IBTK: variants seen among roughly 807,000 people sequenced by gnomAD.
The protein encoded by IBTK is inhibitor of Bruton tyrosine kinase.
Under a neutral mutation model 154.9 loss-of-function variants are expected in IBTK, and 83 were observed. That is an observed-to-expected ratio of 0.54 (90% CI 0.45 to 0.64). IBTK has a LOEUF of 0.64. IBTK is among the 30% of genes least tolerant of loss of function. The pLI, the probability that IBTK is intolerant of heterozygous loss-of-function variation, is 0.00. For missense variants in IBTK, 1,332 were observed against 1,584.6 expected, an observed-to-expected ratio of 0.84 and a Z score of 2.71; for synonymous variants, 515 against 536.1, an observed-to-expected ratio of 0.96 and a Z score of 0.54.
chr6:82,233,470 C>G (rs932667603), intron 3 of IBTK, among the ~76,000 whole-genome samples: 2 of 152,208 alleles, frequency 1.3e-5, no homozygotes, highest in Non-Finnish European at 1.5e-5. Context: ...ACAGTAGTTA[C>G]AATTATAACA....
intron 28 of IBTK, among the ~76,000 whole-genome samples, chr6:82,172,053 T>G (rs944081853): frequency 4.6e-5 from 7 of 152,314 alleles, no homozygotes; most frequent in Admixed American, 3.3e-4. Flanking sequence ...AATCTTAGAA[T>G]TCTTACTGAT....
At chr6:82,187,320 A>G (rs945742961) in intron 25 of IBTK, among the ~76,000 whole-genome samples, 2 of 152,208 alleles carry the variant, frequency 1.3e-5, no homozygotes, top group African/African-American at 4.8e-5. Context: ...ATATGCCATA[A>G]TAGACTCTTA....
chr6:82,203,879 T>G (rs778423754), intron 17 of IBTK, among the ~76,000 whole-genome samples: 14 of 152,006 alleles, frequency 9.2e-5, no homozygotes, highest in Non-Finnish European at 1.8e-4. Flanking sequence ...AACCAAGGAG[T>G]AGACAGTCTA....
chr6:82,214,392 T>A lies in IBTK; in HGVS notation c.2039A>T (p.Lys680Met), dbSNP rs770477133. ...ACTTTTGTAAACTTCAAATGCAGAC[T>A]TCTGGTTATCATCTTCATGGAAATT... ...KVNFHEDDNQ[K>M]SAFEVYKSNQ... The change falls in exon 12 of 29, where the codon AAG (lysine) becomes ATG (methionine). Residue 680 changes from lysine to methionine, a missense_variant. Transcript: ENST00000306270. 1.9e-6 allele frequency: 3 copies of A among 1,614,062 alleles called. No individual in the cohort carries two copies. In the Admixed American group the frequency reaches 5.0e-5, roughly 27 times the overall value.
At chr6:82,178,833 G>C (rs188981061) in intron 26 of IBTK, among the ~76,000 whole-genome samples, 155 of 152,316 alleles carry the variant, frequency 1.0e-3, no homozygotes, top group South Asian at 2.1e-4. Flanking sequence ...GTCTGTCAAA[G>C]AGTAAGGAGG....
In IBTK at chr6:82,220,720, G is replaced by GA. The variant is rs34032511; in HGVS notation, c.1125-8dup. The GA allele has an allele frequency of 0.26, 303,903 of 1,189,332 alleles. 7,194 individuals are homozygous for GA. Among genetic ancestry groups the GA allele is most frequent in the African/African-American group, 0.29 (17,872 of 61,682 alleles). 73.7% of individuals were successfully genotyped at this position (1,189,332 alleles called of 1,614,324 possible). A position where few individuals can be genotyped will look rare whatever the true frequency, so the allele number is the denominator to read the frequency against. On this transcript the variant is annotated splice_region_variant and splice_polypyrimidine_tract_variant and intron_variant, in intron 8 of 28. Coordinates refer to ENST00000306270, the MANE Select transcript of IBTK (RefSeq NM_015525.4). ...TTTTTTCAAGTTCAACTGTCTAGAT[G>GA]AAAAAAAAAAAAATCCTAGATTAAT...
intron 26 of IBTK, among the ~76,000 whole-genome samples, chr6:82,181,247 A>T (rs1768308159): frequency 6.6e-6 from 1 of 152,164 alleles, no homozygotes; most frequent in Non-Finnish European, 1.5e-5. Context: ...AATTAAAATT[A>T]AAAAATAGCT....
At chr6:82,212,108 C>A (rs1769674246) in intron 13 of IBTK, among the ~76,000 whole-genome samples, 1 of 152,046 alleles carries the variant, frequency 6.6e-6, no homozygotes, top group Non-Finnish European at 1.5e-5. Context: ...GATTCTCCTG[C>A]CTCAGCCTCC....
Position 82,200,156 on chromosome 6 carries a change from T to A in IBTK, c.3010A>T (p.Ser1004Cys). 6.2e-7 allele frequency: 1 copy of A among 1,604,014 alleles called. No homozygotes were observed. ...GGYNLSDIIQ[S>C]PSSTGLLKSG... is the part of the protein sequence containing the mutation. ...TTCCACGAACCTGTAGATGATGGAC[T>A]CTGAATAATATCTGAAAGGTTATAA... is the stretch of plus-strand genomic sequence containing the variant. The change falls in exon 21 of 29, where the codon AGT becomes TGT. Residue 1004 changes from serine to cysteine, a missense_variant. Ser to Cys is a moderately radical substitution (Grantham distance 112). This residue lies in a region of IBTK where 1,134 missense variants were observed against 1,274.7 expected (regional missense o/e 0.89). Coordinates refer to ENST00000306270, the MANE Select transcript of IBTK (RefSeq NM_015525.4).
In IBTK at chr6:82,214,351, C is replaced by T; in HGVS notation, c.2080G>A (p.Val694Ile). The change falls in exon 12 of 29, where the codon GTT (valine) becomes ATT (isoleucine). Residue 694 changes from valine (V) to isoleucine (I), a missense_variant. Val to Ile is a conservative substitution (Grantham distance 29, BLOSUM62 3). Transcript: ENST00000306270. ...EVYKSNQAQT[V>I]SERQKSKPKS... ...GGTTTGCTCTTCTGCCTCTCACTAA[C>T]TGTTTGAGCTTGATTACTTTTGTAA... is the stretch of plus-strand genomic sequence containing the variant. 6.2e-7 allele frequency: 1 copy of T among 1,614,084 alleles called. No individual in the cohort carries two copies. Among genetic ancestry groups the T allele is most frequent in the Non-Finnish European group, 8.5e-7 (1 of 1,179,978 alleles).
intron 26 of IBTK, among the ~76,000 whole-genome samples, chr6:82,180,025 C>CACCATAGGCAGGGGCTAATTTGTTT (rs1768259669): frequency 6.6e-6 from 1 of 152,082 alleles, no homozygotes; most frequent in African/African-American, 2.4e-5. Context: ...CTAATTTGTT[C>CACCATAGGCAGGGGCTAATTTGTTT]ACCATAGGCA....
At chr6:82,242,988 A>T (rs1771009895) in intron 1 of IBTK, among the ~76,000 whole-genome samples, 1 of 150,860 alleles carries the variant, frequency 6.6e-6, no homozygotes, top group East Asian at 2.0e-4. Context: ...ATGCCTGTAA[A>T]CCCAGCACTT....
intron 1 of IBTK, among the ~76,000 whole-genome samples, chr6:82,243,554 T>C (rs1771034093): frequency 6.6e-6 from 1 of 152,352 alleles, no homozygotes; most frequent in African/African-American, 2.4e-5. Context: ...CTGTACATGC[T>C]ACCAACTCGA....
At chr6:82,189,331 A>C (rs1300964647) in intron 25 of IBTK, among the ~76,000 whole-genome samples, 1 of 152,168 alleles carries the variant, frequency 6.6e-6, no homozygotes, top group Non-Finnish European at 1.5e-5. Flanking sequence ...AGGAGGTAAC[A>C]TAAGAAGATT....
chr6:82,233,083 G>A (rs1176255419), intron 3 of IBTK, among the ~76,000 whole-genome samples: 1 of 151,808 alleles, frequency 6.6e-6, no homozygotes. Flanking sequence ...CTTGAACCCG[G>A]GAGGCGGAGG....
chr6:82,184,880 T>C (rs1768480505), intron 25 of IBTK, among the ~76,000 whole-genome samples: 1 of 152,178 alleles, frequency 6.6e-6, no homozygotes, highest in Non-Finnish European at 1.5e-5. Flanking sequence ...TTAAGAAGGA[T>C]TTTAAAAACC....
intron 26 of IBTK, chr6:82,174,908 A>T: frequency 2.2e-6 from 1 of 453,564 alleles, no homozygotes; most frequent in Non-Finnish European, 4.4e-6. Context: ...CTTTATTTTT[A>T]CTATTCCCCT....
chr6:82,211,228 C>T, intron 15 of IBTK, 139 bp downstream of exon 15: 2 of 589,202 alleles, frequency 3.4e-6, no homozygotes, highest in Non-Finnish European at 5.7e-6. Context: ...TTTCCAGCAG[C>T]CTCAAGCATA....
intron 25 of IBTK, 120 bp downstream of exon 25, chr6:82,190,953 A>G (rs1768742712): frequency 4.8e-6 from 3 of 622,052 alleles, no homozygotes; most frequent in South Asian, 4.2e-5. Flanking sequence ...ACAGAAGGGG[A>G]GATAAAATAC....
Sources: gnomAD v4.1 joint callset for allele counts (sites outside exome capture counted in the v4.1 genomes callset) on GRCh38, gnomAD v4.1.1 for gene constraint, gnomAD v4.1.1 regional missense constraint, MANE v1.5 for transcripts, NCBI Gene and HGNC (gene_info 2026-07-23, HGNC 2026-07-21) for gene names.